CRPPA: variants seen among roughly 807,000 people sequenced by gnomAD.
CRPPA encodes CDP-L-ribitol pyrophosphorylase A.
Under a neutral mutation model 52.0 loss-of-function variants are expected in CRPPA, and 43 were observed. The ratio of observed to expected loss-of-function variants is 0.83; its 90% CI spans 0.65 to 1.07. CRPPA has a LOEUF of 1.07. Among genes scored for constraint, CRPPA ranks in the 50% least tolerant of loss-of-function variants. The pLI is 0.00. For missense variants in CRPPA, 629 were observed against 551.7 expected (o/e 1.14, Z -1.40); for synonymous variants, 250 against 203.5 (o/e 1.23, Z -1.94).
chr7:16,405,951 A>G (rs1787942124), intron 2 of CRPPA, 110 bp downstream of exon 2: 1 of 979,354 alleles, frequency 1.0e-6, no homozygotes, highest in East Asian at 2.6e-5. Flanking sequence ...TTAGGTCATC[A>G]TGCACATTTT....
At chr7:16,158,483 G>A (rs1032961377) in intron 9 of CRPPA, among the ~76,000 whole-genome samples, 2 of 152,000 alleles carry the variant, frequency 1.3e-5, no homozygotes, top group Admixed American at 6.6e-5. Flanking sequence ...AATATTAATA[G>A]AACAGGGACA....
At chr7:16,098,912 T>A (rs1045529841) in intron 9 of CRPPA, among the ~76,000 whole-genome samples, 1 of 152,218 alleles carries the variant, frequency 6.6e-6, no homozygotes, top group Non-Finnish European at 1.5e-5. Flanking sequence ...CTCTTGCTCC[T>A]GTGAGTGATA....
intron 9 of CRPPA, among the ~76,000 whole-genome samples, chr7:16,195,685 A>T (rs1781715410): frequency 6.6e-6 from 1 of 152,136 alleles, no homozygotes; most frequent in African/African-American, 2.4e-5. Context: ...CTTTCCTTTC[A>T]TATGACTTCT....
chr7:16,348,188 A>T (rs1786063261), intron 3 of CRPPA, among the ~76,000 whole-genome samples: 1 of 152,092 alleles, frequency 6.6e-6, no homozygotes. Context: ...CCAGCTATTA[A>T]CTCCAAGTCT....
intron 1 of CRPPA, among the ~76,000 whole-genome samples, chr7:16,418,692 C>A (rs1788252768): frequency 6.6e-6 from 1 of 152,070 alleles, no homozygotes; most frequent in African/African-American, 2.4e-5. Context: ...GGAAACAATC[C>A]CCATGATTCA....
intron 5 of CRPPA, among the ~76,000 whole-genome samples, chr7:16,282,231 C>G (rs1371822825): frequency 6.6e-6 from 1 of 152,086 alleles, no homozygotes; most frequent in Admixed American, 6.6e-5. Flanking sequence ...TATTTTCACT[C>G]AATTTAAATG....
At position 16,376,195 on chromosome 7, in the gene CRPPA, G is replaced by C. The variant is rs1363895382; in HGVS notation, c.581C>G (p.Ser194Cys). 1 of 1,613,342 alleles carries C rather than the reference G, an allele frequency of 6.2e-7. No individual in the cohort carries two copies. Among genetic ancestry groups the C allele is most frequent in the East Asian group, 2.2e-5 (1 of 44,854 alleles). ...RPLVSTVVSPSADGCLDYSLE... is the reference protein window; with the variant it reads ...RPLVSTVVSPCADGCLDYSLE... ...CGAGTAGTCTAAGCAACCATCAGCAGATGGACTGACGACAGTAGATACAAG... is the reference window on the plus strand; with the variant it reads ...CGAGTAGTCTAAGCAACCATCAGCACATGGACTGACGACAGTAGATACAAG... Residue 194 changes from serine (S) to cysteine (C), a missense_variant, in exon 3 of 10, where the codon TCT becomes TGT. Coordinates refer to ENST00000407010, the MANE Select transcript of CRPPA (RefSeq NM_001101426.4).
At chr7:16,399,724 G>C (rs1787745845) in intron 2 of CRPPA, among the ~76,000 whole-genome samples, 1 of 151,640 alleles carries the variant, frequency 6.6e-6, no homozygotes, top group African/African-American at 2.4e-5. Context: ...TGACATGACT[G>C]ACATATGATT....
chr7:16,200,611 C>T (rs1781830045), intron 9 of CRPPA, among the ~76,000 whole-genome samples: 1 of 152,042 alleles, frequency 6.6e-6, no homozygotes, highest in Non-Finnish European at 1.5e-5. Context: ...CTGCAGCTAC[C>T]TTATAATGTT....
intron 9 of CRPPA, among the ~76,000 whole-genome samples, chr7:16,192,887 C>T (rs1331543031): frequency 6.6e-6 from 1 of 152,070 alleles, no homozygotes; most frequent in Admixed American, 6.6e-5. Context: ...ATGTGTGGGT[C>T]TATTTCTAGA....
chr7:16,416,584 C>T (rs531103488), intron 1 of CRPPA, among the ~76,000 whole-genome samples: 10 of 151,710 alleles, frequency 6.6e-5, no homozygotes, highest in South Asian at 2.1e-4. Context: ...CTTGTAATGC[C>T]AGCACTCTGG....
intron 9 of CRPPA, among the ~76,000 whole-genome samples, chr7:16,180,288 G>A (rs953444422): frequency 5.9e-5 from 9 of 152,164 alleles, no homozygotes; most frequent in Admixed American, 5.9e-4. Context: ...CTAATATACA[G>A]ATAGGGCCGG....
At chr7:16,240,846 G>A (rs769085508) in intron 8 of CRPPA, among the ~76,000 whole-genome samples, 1 of 152,050 alleles carries the variant, frequency 6.6e-6, no homozygotes, top group African/African-American at 2.4e-5. Flanking sequence ...CAGCATCATC[G>A]ATTTTTATAA....
At chr7:16,175,725 A>ATATTTGTTTTATATAATT in intron 9 of CRPPA, among the ~76,000 whole-genome samples, 1 of 152,206 alleles carries the variant, frequency 6.6e-6, no homozygotes, top group South Asian at 2.1e-4. Flanking sequence ...ATAATTATGC[A>ATATTTGTTTTATATAATT]AATTATGTAT....
At chr7:16,201,779 T>C (rs1186474093) in intron 9 of CRPPA, among the ~76,000 whole-genome samples, 1 of 152,218 alleles carries the variant, frequency 6.6e-6, no homozygotes, top group African/African-American at 2.4e-5. Context: ...GTTGCTTGCA[T>C]GTGTAAAACT....
In CRPPA at chr7:16,384,894, A is replaced by G. The variant is rs986503433; in HGVS notation, c.535-8653T>C. 3.8e-4 allele frequency among the ~76,000 whole-genome samples: 58 copies of G among 152,244 alleles called. 1 individual carries two copies. Among genetic ancestry groups the G allele is most frequent in the Non-Finnish European group, 1.3e-4 (9 of 68,038 alleles). ...ACTTAGCAGATAAAGACCTCAAATCAGAATCAGCTATTATAAATACATTCA... is the reference window on the plus strand; with the variant it reads ...ACTTAGCAGATAAAGACCTCAAATCGGAATCAGCTATTATAAATACATTCA... On this transcript the variant is annotated intron_variant, in intron 2 of 9. Coordinates refer to ENST00000407010, the MANE Select transcript of CRPPA (RefSeq NM_001101426.4).
chr7:16,238,254 G>A (rs1783002702), intron 8 of CRPPA, among the ~76,000 whole-genome samples: 1 of 151,968 alleles, frequency 6.6e-6, no homozygotes. Context: ...TATCAAATAA[G>A]CTCCATGTAG....
chr7:16,405,325 AG>A (rs1221237222), intron 2 of CRPPA, among the ~76,000 whole-genome samples: 1 of 152,108 alleles, frequency 6.6e-6, no homozygotes, highest in African/African-American at 2.4e-5. Context: ...ATATTTTCAC[AG>A]GTAGGGAAAA....
At chr7:16,417,005 AAC>A (rs1369768036) in intron 1 of CRPPA, among the ~76,000 whole-genome samples, 1 of 152,166 alleles carries the variant, frequency 6.6e-6, no homozygotes, top group Non-Finnish European at 1.5e-5. Context: ...GACATGAACA[AAC>A]ACTTCTCAAA....
Sources: allele counts gnomAD v4.1 joint callset (sites outside exome capture counted in the v4.1 genomes callset), GRCh38; gene constraint gnomAD v4.1.1; transcripts MANE v1.5; gene names NCBI Gene and HGNC (gene_info 2026-07-23, HGNC 2026-07-21).